KCTD3: variants seen among roughly 807,000 people sequenced by gnomAD.
The protein encoded by KCTD3 is BTB/POZ domain-containing protein KCTD3.
In KCTD3, 41 loss-of-function variants were observed where a neutral mutation model predicts 85.8. The ratio of observed to expected loss-of-function variants is 0.48; its 90% CI spans 0.37 to 0.62. KCTD3 has a LOEUF of 0.62. KCTD3 is among the 20% of genes least tolerant of loss of function. KCTD3 has a pLI of 0.00. For synonymous variants in KCTD3, 338 were observed against 345.4 expected (o/e 0.98, Z 0.24); for missense variants, 724 against 989.9 (o/e 0.73, Z 3.60).
At chr1:215,612,073 A>T in intron 15 of KCTD3, 152 bp downstream of exon 15, 1 of 586,496 alleles carries the variant, frequency 1.7e-6, no homozygotes. Flanking sequence ...CTCAAAATTA[A>T]GACAGTAGAC....
At chr1:215,587,702 T>C (rs1660064419) in intron 9 of KCTD3, among the ~76,000 whole-genome samples, 1 of 152,218 alleles carries the variant, frequency 6.6e-6, no homozygotes. Context: ...CACAGATATG[T>C]AGTTGGAAAA....
In KCTD3 at chr1:215,620,102, C is replaced by T. The variant is rs746123864; in HGVS notation, c.1932C>T (p.Tyr644=). The change falls in exon 18 of 18, where the codon TAC becomes TAT. Residue 644 remains tyrosine, a synonymous_variant. Transcript: ENST00000259154. ...ATACCACCCATGAAGCAGCTACTTA[C>T]GGTTCCATGAGGCCTTACAGAGAAA... is the stretch of plus-strand genomic sequence containing the variant. The part of the protein sequence containing the change: ...HHDTTHEAAT[Y]GSMRPYRESP... 2.1e-4 allele frequency: 336 copies of T among 1,610,412 alleles called. No individual in the cohort carries two copies. The highest frequency in any genetic ancestry group is 1.4e-3 in the South Asian group (129 of 90,340).
intron 8 of KCTD3, among the ~76,000 whole-genome samples, chr1:215,580,604 T>G (rs1659780277): frequency 6.6e-6 from 1 of 152,064 alleles, no homozygotes; most frequent in Admixed American, 6.6e-5. Context: ...GATAGGACTC[T>G]TAGTTCAAAA....
intron 10 of KCTD3, among the ~76,000 whole-genome samples, chr1:215,599,912 A>G (rs1414565858): frequency 6.6e-6 from 1 of 151,130 alleles, no homozygotes; most frequent in Non-Finnish European, 1.5e-5. Flanking sequence ...AAAAAAAAAG[A>G]ATGTATCCAA....
intron 5 of KCTD3, 45 bp downstream of exon 5, chr1:215,577,773 A>G (rs565458829): frequency 2.1e-5 from 29 of 1,404,952 alleles, no homozygotes; most frequent in Middle Eastern, 1.8e-4. Flanking sequence ...TGACTCATGT[A>G]TGAAAGTTGC....
At chr1:215,617,178 G>A (rs1314984328) in intron 15 of KCTD3, among the ~76,000 whole-genome samples, 1 of 152,188 alleles carries the variant, frequency 6.6e-6, no homozygotes, top group Non-Finnish European at 1.5e-5. Context: ...CCTTACCCTG[G>A]GAATCTATTG....
At chr1:215,568,843 G>C (rs148157165) in intron 1 of KCTD3, among the ~76,000 whole-genome samples, 1 of 152,100 alleles carries the variant, frequency 6.6e-6, no homozygotes, top group East Asian at 1.9e-4. Flanking sequence ...CGTTCTTAGG[G>C]TTTTTCCTCT....
At chr1:215,580,495 A>T (rs1659775920) in intron 8 of KCTD3, among the ~76,000 whole-genome samples, 1 of 152,326 alleles carries the variant, frequency 6.6e-6, no homozygotes, top group African/African-American at 2.4e-5. Context: ...AAACTTACAA[A>T]GAAGTAGTTT....
In KCTD3 at chr1:215,586,787, T is replaced by A. The variant is rs1377645017; in HGVS notation, c.817+102T>A. 4.6e-6 allele frequency: 4 copies of A among 863,504 alleles called. No homozygotes were observed. The African/African-American group carries it at 6.8e-5, about 15-fold the overall frequency. 53.5% of individuals were successfully genotyped at this position (863,504 alleles called of 1,614,324 possible). On this transcript the variant is annotated intron_variant, in intron 9 of 17. Coordinates refer to ENST00000259154, the MANE Select transcript of KCTD3 (RefSeq NM_016121.5). Reference sequence around the variant, plus strand: ...ATGAAAATTAACCTGGACTGTCAGTTAGCTAGAGCTGTCACAGTATTTAAT... The same window carrying A: ...ATGAAAATTAACCTGGACTGTCAGTAAGCTAGAGCTGTCACAGTATTTAAT...
At position 215,619,235 on chromosome 1, in the gene KCTD3, C is replaced by T; in HGVS notation, c.1830C>T (p.Asn610=). The T allele has an allele frequency of 6.2e-7, 1 of 1,613,910 alleles. No homozygotes were observed. The highest frequency in any genetic ancestry group is 8.5e-7 in the Non-Finnish European group (1 of 1,179,788). ...DLSTSRCATP[N]ISPATSVVQH... ...GCACATCTCGCTGTGCTACTCCTAACATCAGTCCAGCAACTTCCGTAGTTC... is the reference window on the plus strand; with the variant it reads ...GCACATCTCGCTGTGCTACTCCTAATATCAGTCCAGCAACTTCCGTAGTTC... The change falls in exon 17 of 18, where the codon AAC becomes AAT. Residue 610 remains asparagine, a synonymous_variant. Coordinates refer to ENST00000259154, the MANE Select transcript of KCTD3 (RefSeq NM_016121.5).
intron 14 of KCTD3, among the ~76,000 whole-genome samples, chr1:215,611,091 A>G (rs1489769641): frequency 3.3e-5 from 5 of 152,002 alleles, no homozygotes; most frequent in Non-Finnish European, 5.9e-5. Context: ...TTAAGTTTTA[A>G]ACAAAAACTT....
At chr1:215,591,040 G>GCT (rs145828197) in intron 9 of KCTD3, among the ~76,000 whole-genome samples, 3,216 of 152,168 alleles carry the variant, frequency 0.021, 102 homozygotes, top group African/African-American at 0.072. Flanking sequence ...TTAGGGCAGG[G>GCT]CTCCTTTTCA....
At chr1:215,579,793 C>T (rs773655251) in intron 7 of KCTD3, 116 bp from the exon 8 acceptor site, 33 of 684,428 alleles carry the variant, frequency 4.8e-5, no homozygotes, top group East Asian at 1.4e-4. Flanking sequence ...CCACTGTGCC[C>T]GGCTCTTAAC....
chr1:215,618,264 A>T lies in KCTD3; in HGVS notation c.1563-622A>T, dbSNP rs79868024. The T allele has an allele frequency of 9.8e-3, 3,001 of 305,760 alleles. 76 individuals are homozygous for T. The highest frequency in any genetic ancestry group is 0.06 in the African/African-American group (2,784 of 46,112). The allele number at this position is 305,760 out of a possible 1,614,324, so 18.9% of individuals were successfully genotyped here. A position where few individuals can be genotyped will look rare whatever the true frequency, so the allele number is the denominator to read the frequency against. On this transcript the variant is annotated intron_variant, in intron 15 of 17. Transcript: ENST00000259154. ...CCTTGAGCTCAAGAATGAGACTAGG[A>T]TAGTCTTTATCACTACATGTGGGCA...
intron 10 of KCTD3, among the ~76,000 whole-genome samples, chr1:215,599,382 G>A (rs1163479919): frequency 6.6e-6 from 1 of 152,128 alleles, no homozygotes; most frequent in Non-Finnish European, 1.5e-5. Flanking sequence ...AAAAAATAAT[G>A]ATAAGTTTAC....
intron 7 of KCTD3, 143 bp from the exon 8 acceptor site, chr1:215,579,766 G>A: frequency 8.4e-6 from 5 of 594,724 alleles, no homozygotes; most frequent in Middle Eastern, 5.3e-4. Flanking sequence ...CCAAAGTGCT[G>A]GGATTACAGG....
At chr1:215,571,548 T>G (rs575836564) in intron 1 of KCTD3, among the ~76,000 whole-genome samples, 2 of 152,370 alleles carry the variant, frequency 1.3e-5, no homozygotes, top group South Asian at 4.1e-4. Context: ...ATTGTTTTAC[T>G]GTCTTTCCTT....
Position 215,620,811 on chromosome 1 carries a change from T to A in KCTD3, c.*193T>A, listed in dbSNP as rs967389766. On this transcript the variant is annotated 3_prime_UTR_variant, in exon 18 of 18. Coordinates refer to ENST00000259154, the MANE Select transcript of KCTD3 (RefSeq NM_016121.5). ...TCTTTTGACATTTTGGAAATTTTTT[T>A]AATTTTACAAGTACATTTAACAGAT... is the stretch of plus-strand genomic sequence containing the variant. 1.2e-5 allele frequency: 6 copies of A among 509,386 alleles called. No individual in the cohort carries two copies. The highest frequency in any genetic ancestry group is 2.1e-5 in the Non-Finnish European group (6 of 292,586). The allele number at this position is 509,386 out of a possible 1,614,324, so 31.6% of individuals were successfully genotyped here. A position where few individuals can be genotyped will look rare whatever the true frequency, so the allele number is the denominator to read the frequency against.
intron 7 of KCTD3, 44 bp from the exon 8 acceptor site, chr1:215,579,865 C>T: frequency 2.1e-6 from 3 of 1,426,558 alleles, no homozygotes; most frequent in Non-Finnish European, 3.0e-6. Flanking sequence ...ATTTGCCAAC[C>T]CCCGGTTTAG....
Sources: gnomAD v4.1 joint callset for allele counts (sites outside exome capture counted in the v4.1 genomes callset) on GRCh38, gnomAD v4.1.1 for gene constraint, MANE v1.5 for transcripts, NCBI Gene and HGNC (gene_info 2026-07-23, HGNC 2026-07-21) for gene names.